Variants in KIAA1671 observed in about 807,000 individuals in gnomAD.
The protein encoded by KIAA1671 is KIAA1671, also known as uncharacterized protein KIAA1671.
In KIAA1671, 52 loss-of-function variants were observed where a neutral mutation model predicts 131.2. The ratio of observed to expected loss-of-function variants is 0.40; its 90% CI spans 0.32 to 0.50. The LOEUF (loss-of-function observed/expected upper bound fraction) is 0.50. KIAA1671 is among the 20% of genes least tolerant of loss of function. The pLI is 0.73. For synonymous variants in KIAA1671, 1,003 were observed against 961.6 expected (o/e 1.04, Z -0.80); for missense variants, 2,360 against 2,364.2 (o/e 1.00, Z 0.04).
chr22:25,008,642 C>T (rs1394889800), intron 1 of KIAA1671, among the ~76,000 whole-genome samples: 1 of 152,228 alleles, frequency 6.6e-6, no homozygotes, highest in Non-Finnish European at 1.5e-5. Context: ...AAATGGGCCT[C>T]ATCATGAAAC....
chr22:24,989,805 G>T (rs76456712), intron 1 of KIAA1671, among the ~76,000 whole-genome samples: 143 of 152,218 alleles, frequency 9.4e-4, no homozygotes, highest in African/African-American at 3.4e-3. Flanking sequence ...GAGGGTGTGC[G>T]GGGTGAATGT....
At chr22:25,118,176 G>A (rs976240755) in intron 6 of KIAA1671, among the ~76,000 whole-genome samples, 12 of 146,602 alleles carry the variant, frequency 8.2e-5, no homozygotes, top group African/African-American at 1.3e-4. Flanking sequence ...AGCAGTCAAC[G>A]CCTCCCTCCA....
At chr22:25,191,107 G>A (rs966929664) in intron 12 of KIAA1671, among the ~76,000 whole-genome samples, 20 of 151,942 alleles carry the variant, frequency 1.3e-4, no homozygotes, top group Non-Finnish European at 2.8e-4. Flanking sequence ...AAACAAAAGG[G>A]CGGGGACATC....
At chr22:25,152,379 G>A (rs561531060) in intron 6 of KIAA1671, among the ~76,000 whole-genome samples, 2 of 152,270 alleles carry the variant, frequency 1.3e-5, no homozygotes, top group Admixed American at 6.5e-5. Flanking sequence ...TGTGTGTGAG[G>A]TGATTAAATC....
Position 24,955,256 on chromosome 22 carries a change from A to G in KIAA1671, c.-208+2484A>G, listed in dbSNP as rs147834227. Among the ~76,000 whole-genome samples the G allele has an allele frequency of 2.6e-4, 40 of 152,326 alleles. 1 individual carries two copies. The East Asian group carries it at 4.4e-3, about 17-fold the overall frequency. ...TTTATCATTTGTTCCTTCAACAAAT[A>G]TTTCAAGACACTGTGTCAAAGATGA... On this transcript the variant is annotated intron_variant, in intron 1 of 12. Coordinates refer to ENST00000358431, the MANE Select transcript of KIAA1671 (RefSeq NM_001145206.2).
chr22:25,155,403 GT>G (rs1212066873), intron 6 of KIAA1671, among the ~76,000 whole-genome samples: 2 of 151,904 alleles, frequency 1.3e-5, no homozygotes, highest in African/African-American at 4.8e-5. Context: ...ATTTGTGTCT[GT>G]TTCTATGTAT....
rs1432205149 is a variant in KIAA1671, at chr22:25,177,453, A to G, written c.5005A>G (p.Ser1669Gly). The G allele has an allele frequency of 1.2e-5, 18 of 1,551,740 alleles. No individual in the cohort carries two copies. Among genetic ancestry groups the G allele is most frequent in the Non-Finnish European group, 1.4e-5 (16 of 1,147,008 alleles). ...ISHSLRRSRFSESESRSPLED... is the reference protein window; with the variant it reads ...ISHSLRRSRFGESESRSPLED... ...CCACTCCCTCCGGCGCAGCCGATTT[A>G]GTGAGTCCGAGAGCAGATCACCTTT... Residue 1669 changes from serine (S) to glycine (G), a missense_variant, in exon 9 of 13, where the codon AGT (serine) becomes GGT (glycine). Ser to Gly is a moderately conservative substitution (Grantham distance 56). Coordinates refer to ENST00000358431, the MANE Select transcript of KIAA1671 (RefSeq NM_001145206.2).
rs1926860081 is a variant in KIAA1671, at chr22:25,040,563, A to G, written c.3433A>G (p.Asn1145Asp). 1 of 1,551,654 alleles carries G rather than the reference A, an allele frequency of 6.4e-7. No individual in the cohort carries two copies. Among genetic ancestry groups the G allele is most frequent in the East Asian group, 2.4e-5 (1 of 40,928 alleles). ...AGAAGATGGCCCTCGTCCTCAAAGC[A>G]ATTGGAAGGAAAGTGCGAACAAGAT... ...GSEDGPRPQS[N>D]WKESANKMSP... Residue 1145 changes from asparagine (N) to aspartate (D), a missense_variant, in exon 5 of 13, where the codon AAT becomes GAT. Transcript: ENST00000358431.
Position 25,170,947 on chromosome 22 carries a change from C to T in KIAA1671, c.4649+9C>T, listed in dbSNP as rs530575850. 13 of 1,550,288 alleles carry T rather than the reference C, an allele frequency of 8.4e-6. No individual in the cohort carries two copies. Among genetic ancestry groups the T allele is most frequent in the African/African-American group, 5.5e-5 (4 of 73,100 alleles). ...TGCCAGAGTGGGGAGAGGTAGGACG[C>T]GTGCGACGGGATTCTGGCTGCAAAG... On this transcript the variant is annotated intron_variant, in intron 7 of 12. Transcript: ENST00000358431.
chr22:25,130,257 A>T (rs2330985), intron 6 of KIAA1671, among the ~76,000 whole-genome samples: 1 of 152,004 alleles, frequency 6.6e-6, no homozygotes, highest in Non-Finnish European at 1.5e-5. Flanking sequence ...AAATGCACAT[A>T]CCCGTGTAAG....
chr22:24,965,830 A>T (rs1602030960), intron 1 of KIAA1671, among the ~76,000 whole-genome samples: 2 of 152,330 alleles, frequency 1.3e-5, no homozygotes. Context: ...TATAAATCAT[A>T]ATGTAAATCT....
At chr22:25,077,028 G>A (rs186748483) in intron 6 of KIAA1671, among the ~76,000 whole-genome samples, 63 of 152,280 alleles carry the variant, frequency 4.1e-4, no homozygotes, top group African/African-American at 1.5e-3. Flanking sequence ...TTACTACTTC[G>A]TGGAGTCTGA....
At chr22:25,092,390 A>G (rs560269241) in intron 6 of KIAA1671, among the ~76,000 whole-genome samples, 1 of 152,332 alleles carries the variant, frequency 6.6e-6, no homozygotes, top group Non-Finnish European at 1.5e-5. Flanking sequence ...TAAGGCCAAT[A>G]TTGCCAGCCT....
At chr22:25,009,606 G>C (rs1350029382) in intron 1 of KIAA1671, 1 of 146,568 alleles carries the variant, frequency 6.8e-6, no homozygotes, top group Non-Finnish European at 1.5e-5. Flanking sequence ...TCTTGAGACA[G>C]AGTCTCACAT....
intron 6 of KIAA1671, among the ~76,000 whole-genome samples, chr22:25,073,955 A>G (rs1041137304): frequency 4.6e-5 from 7 of 152,144 alleles, no homozygotes; most frequent in African/African-American, 1.4e-4. Context: ...GGGCCTCCCA[A>G]AGTGCTGGGA....
rs888303332 is a variant in KIAA1671, at chr22:25,046,573, A to T, written c.4396-2657A>T. Among the ~76,000 whole-genome samples the T allele has an allele frequency of 6.6e-5, 10 of 152,226 alleles. 1 individual carries two copies. Among genetic ancestry groups the T allele is most frequent in the Admixed American group, 4.6e-4 (7 of 15,280 alleles). On this transcript the variant is annotated intron_variant, in intron 5 of 12. Coordinates refer to ENST00000358431, the MANE Select transcript of KIAA1671 (RefSeq NM_001145206.2). ...GATTTCACATGGCTCCACTCCAAAAATACTTAAAAAACATTCCCCTGATAC... is the reference window on the plus strand; with the variant it reads ...GATTTCACATGGCTCCACTCCAAAATTACTTAAAAAACATTCCCCTGATAC...
At chr22:25,047,651 G>C (rs1382320280) in intron 5 of KIAA1671, among the ~76,000 whole-genome samples, 1 of 151,650 alleles carries the variant, frequency 6.6e-6, no homozygotes, top group African/African-American at 2.4e-5. Flanking sequence ...TTTCGTATTT[G>C]TAGTAGAGAC....
intron 9 of KIAA1671, among the ~76,000 whole-genome samples, chr22:25,180,834 T>C (rs1270799841): frequency 6.6e-6 from 1 of 152,238 alleles, no homozygotes; most frequent in African/African-American, 2.4e-5. Context: ...CTCTCTGCAC[T>C]TTCTTGGTTT....
chr22:25,068,444 T>G (rs1928610560), intron 6 of KIAA1671, among the ~76,000 whole-genome samples: 2 of 140,572 alleles, frequency 1.4e-5, no homozygotes. Flanking sequence ...TTTTTTGTTG[T>G]TTTTTTTTTT....
Sources: gnomAD v4.1 joint callset for allele counts (sites outside exome capture counted in the v4.1 genomes callset) on GRCh38, gnomAD v4.1.1 for gene constraint, MANE v1.5 for transcripts, NCBI Gene and HGNC (gene_info 2026-07-23, HGNC 2026-07-21) for gene names.